GRM7: variants seen among roughly 807,000 people sequenced by gnomAD.
GRM7 encodes metabotropic glutamate receptor 7.
A neutral mutation model predicts 84.5 loss-of-function variants in GRM7; 35 were observed. The ratio of observed to expected loss-of-function variants is 0.41; its 90% CI spans 0.32 to 0.55. The LOEUF is 0.55. GRM7 is among the 20% of genes least tolerant of loss of function. GRM7 has a pLI of 0.19. For synonymous variants in GRM7, 487 were observed against 455.1 expected, an observed-to-expected ratio of 1.07 and a Z score of -0.89; for missense variants, 1,003 against 1,194.6, an observed-to-expected ratio of 0.84 and a Z score of 2.36.
intron 1 of GRM7, among the ~76,000 whole-genome samples, chr3:7,075,947 T>A (rs1698062637): frequency 6.6e-6 from 1 of 151,448 alleles, no homozygotes; most frequent in South Asian, 2.1e-4. Context: ...TTTTTTTTTT[T>A]ACTATATCCC....
rs765027538 is a variant in GRM7 at position 6,861,806 on chromosome 3, G to C, written c.418G>C (p.Glu140Gln). The change falls in exon 1 of 10, where the codon GAA becomes CAA. Residue 140 changes from glutamate to glutamine, a missense_variant. Coordinates refer to ENST00000357716, the MANE Select transcript of GRM7 (RefSeq NM_000844.4). This position sits in a 1 kb window ranked among gnomAD's most constrained non-coding sequence, Gnocchi z 6.4. ...CTCCGACGTGCGCTGCACCAACGGC[G>C]AACCGCCGGTTTTCGTCAAGCCGGA... ...DTSDVRCTNGEPPVFVKPEKV... is the reference protein window; with the variant it reads ...DTSDVRCTNGQPPVFVKPEKV... The C allele has an allele frequency of 3.9e-5, 63 of 1,614,060 alleles. No individual in the cohort carries two copies. The Middle Eastern group carries it at 1.8e-3, about 46-fold the overall frequency.
At chr3:7,528,884 T>G (rs925746722) in intron 7 of GRM7, among the ~76,000 whole-genome samples, 2 of 152,054 alleles carry the variant, frequency 1.3e-5, no homozygotes, top group African/African-American at 4.8e-5. Context: ...AGAATATGCT[T>G]GGTATGATTT....
intron 1 of GRM7, among the ~76,000 whole-genome samples, chr3:6,890,658 G>A (rs1211753213): frequency 2.6e-5 from 4 of 151,922 alleles, no homozygotes; most frequent in Non-Finnish European, 5.9e-5. Context: ...CCAAGTATGT[G>A]GTCAATTTTG....
chr3:6,872,887 A>G (rs546137672), intron 1 of GRM7, among the ~76,000 whole-genome samples: 5 of 152,244 alleles, frequency 3.3e-5, no homozygotes, highest in African/African-American at 1.2e-4. Context: ...GGTTGTTCCA[A>G]GTCTTTGCTA....
At chr3:7,096,356 A>G (rs1359067248) in intron 1 of GRM7, among the ~76,000 whole-genome samples, 2 of 152,152 alleles carry the variant, frequency 1.3e-5, no homozygotes, top group Non-Finnish European at 2.9e-5. Context: ...TAGATTGGCT[A>G]TAAGTTTTGA....
intron 9 of GRM7, among the ~76,000 whole-genome samples, chr3:7,730,012 T>C (rs937836045): frequency 5.9e-5 from 9 of 151,702 alleles, no homozygotes; most frequent in South Asian, 2.1e-4. Flanking sequence ...GTAGCTGGGA[T>C]TGCAGGCGCC....
At chr3:7,112,482 C>CTTT (rs745702708) in intron 1 of GRM7, among the ~76,000 whole-genome samples, 2 of 152,218 alleles carry the variant, frequency 1.3e-5, no homozygotes, top group South Asian at 4.1e-4. Flanking sequence ...CTTCGGCCTC[C>CTTT]CAAAGTGCTG....
chr3:7,673,774 C>G (rs573086744), intron 8 of GRM7, among the ~76,000 whole-genome samples: 2 of 152,160 alleles, frequency 1.3e-5, no homozygotes, highest in East Asian at 3.9e-4. Context: ...TCCCACATAG[C>G]TGACTTCTGC....
chr3:7,478,237 A>T (rs928163941), intron 7 of GRM7, among the ~76,000 whole-genome samples: 1 of 152,084 alleles, frequency 6.6e-6, no homozygotes, highest in African/African-American at 2.4e-5. Flanking sequence ...CTGGAGGGAA[A>T]TCTGGGGACC....
intron 4 of GRM7, among the ~76,000 whole-genome samples, chr3:7,355,362 T>A (rs1029056094): frequency 2.0e-5 from 3 of 152,044 alleles, no homozygotes; most frequent in African/African-American, 7.2e-5. Context: ...CAGAAAAATC[T>A]CTGCAATAGG....
chr3:7,612,793 A>G (rs1696903112), intron 8 of GRM7, among the ~76,000 whole-genome samples: 1 of 152,190 alleles, frequency 6.6e-6, no homozygotes, highest in Non-Finnish European at 1.5e-5. Context: ...GGCACCAAGG[A>G]AAGAATTCTT....
chr3:7,128,709 TGTTGGCCAG>T (rs569971519), intron 1 of GRM7, among the ~76,000 whole-genome samples: 170 of 149,842 alleles, frequency 1.1e-3, no homozygotes, highest in African/African-American at 3.9e-3. Flanking sequence ...GGTTTTGCCA[TGTTGGCCAG>T]GATGGTCTTG....
At chr3:6,935,290 C>T (rs1172323435) in intron 1 of GRM7, among the ~76,000 whole-genome samples, 5 of 151,452 alleles carry the variant, frequency 3.3e-5, no homozygotes, top group Non-Finnish European at 7.4e-5. Flanking sequence ...CACTTTATGA[C>T]TAATTAAATG....
chr3:7,481,007 A>C (rs1002787086), intron 7 of GRM7, among the ~76,000 whole-genome samples: 9 of 152,224 alleles, frequency 5.9e-5, no homozygotes, highest in African/African-American at 2.2e-4. Context: ...GAAAGTATGC[A>C]AGTGGGTGGG....
chr3:7,552,258 G>T (rs1036077034), intron 7 of GRM7, among the ~76,000 whole-genome samples: 19 of 152,326 alleles, frequency 1.2e-4, no homozygotes, highest in Non-Finnish European at 2.1e-4. Context: ...ACAGTCTTGG[G>T]CAGCTCCACC....
At chr3:6,872,620 C>A (rs1321240452) in intron 1 of GRM7, among the ~76,000 whole-genome samples, 3 of 152,096 alleles carry the variant, frequency 2.0e-5, no homozygotes, top group South Asian at 2.1e-4. Flanking sequence ...TTAGCCCCCC[C>A]AACCCCCGAC....
chr3:7,651,335 G>A (rs1454791309), intron 8 of GRM7, among the ~76,000 whole-genome samples: 1 of 152,198 alleles, frequency 6.6e-6, no homozygotes, highest in Admixed American at 6.5e-5. Context: ...TCCTCCTTCA[G>A]TATTCATTTG....
At chr3:6,962,398 A>G (rs1693336231) in intron 1 of GRM7, among the ~76,000 whole-genome samples, 1 of 152,234 alleles carries the variant, frequency 6.6e-6, no homozygotes. Flanking sequence ...AAGTGAAGAA[A>G]GCTAAGCAGG....
chr3:7,460,320 A>G (rs190702349), intron 6 of GRM7, among the ~76,000 whole-genome samples: 1 of 152,090 alleles, frequency 6.6e-6, no homozygotes, highest in East Asian at 1.9e-4. Context: ...AGACAAATGT[A>G]TTTTTCATTG....
Sources: allele counts gnomAD v4.1 joint callset (sites outside exome capture counted in the v4.1 genomes callset), GRCh38; gene constraint gnomAD v4.1.1; non-coding constraint Gnocchi (gnomAD v3.1); transcripts MANE v1.5; gene names NCBI Gene and HGNC (gene_info 2026-07-23, HGNC 2026-07-21).